The following FOCAD variants were observed in gnomAD, a reference collection of about 807,000 sequenced individuals.
The protein encoded by FOCAD is KIAA1797.
A neutral mutation model predicts 225.6 loss-of-function variants in FOCAD; 198 were observed. That is an observed-to-expected ratio of 0.88 (90% CI 0.78 to 0.99). The LOEUF is 0.99. FOCAD is among the 50% of genes least tolerant of loss of function. The pLI is 0.00. For missense variants in FOCAD, 2,713 were observed against 2,123.6 expected (o/e 1.28, Z -5.46); for synonymous variants, 897 against 755.0 (o/e 1.19, Z -3.08).
At chr9:20,818,361 C>T (rs763271435) in intron 11 of FOCAD, among the ~76,000 whole-genome samples, 1 of 152,050 alleles carries the variant, frequency 6.6e-6, no homozygotes, top group Non-Finnish European at 1.5e-5. Context: ...TTTTGACGGA[C>T]AAGCATTTTT....
At chr9:20,921,138 A>G (rs1267137813) in intron 24 of FOCAD, among the ~76,000 whole-genome samples, 1 of 152,160 alleles carries the variant, frequency 6.6e-6, no homozygotes, top group African/African-American at 2.4e-5. Context: ...CTGATGATTG[A>G]TGTGAATTTA....
At chr9:20,881,361 A>G (rs978683517) in intron 19 of FOCAD, among the ~76,000 whole-genome samples, 5 of 152,170 alleles carry the variant, frequency 3.3e-5, no homozygotes, top group Non-Finnish European at 7.3e-5. Flanking sequence ...GCTAGATTAT[A>G]AAAGGTCTTG....
At chr9:20,904,854 T>C (rs1832828930) in intron 21 of FOCAD, among the ~76,000 whole-genome samples, 1 of 152,066 alleles carries the variant, frequency 6.6e-6, no homozygotes, top group Non-Finnish European at 1.5e-5. Context: ...TGGACATAAT[T>C]GTCATACTTT....
In FOCAD at chr9:20,983,520, C is replaced by G. The variant is rs1466649146; in HGVS notation, c.4728+1074C>G. Among the ~76,000 whole-genome samples the G allele has an allele frequency of 1.4e-5, 2 of 144,238 alleles. 1 individual carries two copies. Among genetic ancestry groups the G allele is most frequent in the South Asian group, 4.3e-4 (2 of 4,620 alleles). 94.6% of individuals were successfully genotyped at this position (144,238 alleles called of 152,430 possible). On this transcript the variant is annotated intron_variant, in intron 39 of 43. Coordinates refer to ENST00000338382, the MANE Select transcript of FOCAD (RefSeq NM_001375567.1). ...CCGGGAGGTGGAGGTTGCAGTGAGC[C>G]GAGATCCCACCACTGTACTCCAGCC...
intron 24 of FOCAD, among the ~76,000 whole-genome samples, chr9:20,921,363 T>A (rs1268393531): frequency 6.6e-6 from 1 of 152,226 alleles, no homozygotes; most frequent in Non-Finnish European, 1.5e-5. Flanking sequence ...ATAAATACTC[T>A]GTGGAAGCTG....
chr9:20,850,809 T>G (rs1207807072), intron 15 of FOCAD, among the ~76,000 whole-genome samples: 1 of 149,784 alleles, frequency 6.7e-6, no homozygotes, highest in Non-Finnish European at 1.5e-5. Flanking sequence ...TGATCTCTGC[T>G]CTCTTCCTTA....
intron 15 of FOCAD, among the ~76,000 whole-genome samples, chr9:20,858,649 G>T (rs1330388700): frequency 6.6e-6 from 1 of 151,812 alleles, no homozygotes; most frequent in African/African-American, 2.4e-5. Context: ...GGTTTGATTT[G>T]CTCTTTTCTA....
intron 4 of FOCAD, among the ~76,000 whole-genome samples, chr9:20,737,705 A>G (rs552310839): frequency 6.6e-6 from 1 of 152,334 alleles, no homozygotes; most frequent in South Asian, 2.1e-4. Context: ...GGCTCACCCA[A>G]TTAGTGATGA....
At chr9:20,768,788 A>G (rs1817864301) in intron 7 of FOCAD, among the ~76,000 whole-genome samples, 1 of 152,112 alleles carries the variant, frequency 6.6e-6, no homozygotes, top group Non-Finnish European at 1.5e-5. Flanking sequence ...TAGATGTAGA[A>G]TAGTCCTTTT....
chr9:20,963,113 C>G (rs150064465), intron 35 of FOCAD, among the ~76,000 whole-genome samples: 5 of 152,118 alleles, frequency 3.3e-5, no homozygotes, highest in Admixed American at 3.3e-4. Context: ...TGAATCAGTT[C>G]CCTACAAATA....
chr9:20,982,534 T>A, intron 39 of FOCAD, 88 bp downstream of exon 39: 1 of 1,035,222 alleles, frequency 9.7e-7, no homozygotes, highest in Non-Finnish European at 1.5e-6. Flanking sequence ...CTGAAGCAAG[T>A]TTTGCTTCAT....
Position 20,990,311 on chromosome 9 carries a change from T to C in FOCAD, c.5193T>C (p.Thr1731=), listed in dbSNP as rs1841539306. Residue 1731 remains threonine (T), a synonymous_variant, in exon 42 of 44, where the codon ACT becomes ACC. Coordinates refer to ENST00000338382, the MANE Select transcript of FOCAD (RefSeq NM_001375567.1). ...MHRVTLQEVL[T]LLPNSMALLL... is the part of the protein sequence containing the mutation. ...GGGTCACTCTGCAGGAGGTTCTCAC[T>C]CTCCTTCCCAATAGCATGGCTCTGC... 1.2e-6 allele frequency: 2 copies of C among 1,613,730 alleles called. No homozygotes were observed. Among genetic ancestry groups the C allele is most frequent in the Non-Finnish European group, 1.7e-6 (2 of 1,179,920 alleles).
At chr9:20,898,196 A>G (rs974113796) in intron 21 of FOCAD, among the ~76,000 whole-genome samples, 1 of 151,868 alleles carries the variant, frequency 6.6e-6, no homozygotes, top group Non-Finnish European at 1.5e-5. Flanking sequence ...TTTAAATACA[A>G]TATACAAATA....
chr9:20,990,339 C>T lies in FOCAD; in HGVS notation c.5221C>T (p.Leu1741=), dbSNP rs1239442226. ...TLLPNSMALL[L]QKEPWKEQTQ... is the part of the protein sequence containing the mutation. ...CCTTCCCAATAGCATGGCTCTGCTGCTGCAGAAAGAGCCATGGAAGGAACA... is the reference window on the plus strand; with the variant it reads ...CCTTCCCAATAGCATGGCTCTGCTGTTGCAGAAAGAGCCATGGAAGGAACA... The change falls in exon 42 of 44, where the codon CTG becomes TTG. Residue 1741 remains leucine, a synonymous_variant. Coordinates refer to ENST00000338382, the MANE Select transcript of FOCAD (RefSeq NM_001375567.1). 4 of 1,613,980 alleles carry T rather than the reference C, an allele frequency of 2.5e-6. No homozygotes were observed. Among genetic ancestry groups the T allele is most frequent in the Non-Finnish European group, 3.4e-6 (4 of 1,179,984 alleles).
At chr9:20,967,949 G>A (rs2132515060) in intron 35 of FOCAD, among the ~76,000 whole-genome samples, 1 of 152,112 alleles carries the variant, frequency 6.6e-6, no homozygotes, top group Admixed American at 6.5e-5. Flanking sequence ...TGATGTCTAT[G>A]ATATCAGGAT....
At chr9:20,993,862 A>C (rs1477188984) in intron 43 of FOCAD, among the ~76,000 whole-genome samples, 2 of 152,336 alleles carry the variant, frequency 1.3e-5, no homozygotes, top group South Asian at 4.1e-4. Context: ...TGGTTTTAAA[A>C]TGTTTTATGG....
chr9:20,724,136 A>G (rs1826012521), intron 4 of FOCAD, among the ~76,000 whole-genome samples: 1 of 152,228 alleles, frequency 6.6e-6, no homozygotes, highest in African/African-American at 2.4e-5. Flanking sequence ...CATCTCCAAC[A>G]TTTAGAATCA....
intron 35 of FOCAD, among the ~76,000 whole-genome samples, chr9:20,967,179 A>AAAT (rs1839340017): frequency 6.6e-6 from 1 of 152,044 alleles, no homozygotes; most frequent in Admixed American, 6.6e-5. Flanking sequence ...CTATTTATTT[A>AAAT]GGGCTGCTTT....
chr9:20,814,069 G>A (rs771614406), intron 11 of FOCAD, among the ~76,000 whole-genome samples: 2 of 152,222 alleles, frequency 1.3e-5, no homozygotes, highest in South Asian at 2.1e-4. Flanking sequence ...CTTTCAGCCT[G>A]TGTGTGTCCT....
Sources: allele counts gnomAD v4.1 joint callset (sites outside exome capture counted in the v4.1 genomes callset), GRCh38; gene constraint gnomAD v4.1.1; transcripts MANE v1.5; gene names NCBI Gene and HGNC (gene_info 2026-07-23, HGNC 2026-07-21).